Variants in COL9A1 observed in about 807,000 individuals in gnomAD.
The protein encoded by COL9A1 is collagen alpha-1(IX) chain.
In COL9A1, 104 loss-of-function variants were observed where a neutral mutation model predicts 142.6. The ratio of observed to expected loss-of-function variants is 0.73; its 90% CI spans 0.62 to 0.86. The LOEUF is 0.86. Ranked by LOEUF, COL9A1 falls within the 40% of genes least tolerant of loss-of-function variation. The pLI, the probability that COL9A1 is intolerant of heterozygous loss-of-function variation, is 0.00. For synonymous variants in COL9A1, 466 were observed against 396.0 expected (o/e 1.18, Z -2.10); for missense variants, 1,210 against 1,176.6 (o/e 1.03, Z -0.42).
chr6:70,252,542 A>G (rs748567339), intron 26 of COL9A1, among the ~76,000 whole-genome samples: 21 of 152,200 alleles, frequency 1.4e-4, no homozygotes, highest in Non-Finnish European at 2.4e-4. Context: ...TCAAATGTCA[A>G]ACAATGAGGG....
At chr6:70,228,413 C>T (rs1418363360) in intron 36 of COL9A1, among the ~76,000 whole-genome samples, 1 of 152,042 alleles carries the variant, frequency 6.6e-6, no homozygotes, top group Non-Finnish European at 1.5e-5. Context: ...AGGCATTATC[C>T]CATTATTCCG....
chr6:70,236,465 G>T (rs1335583397), intron 33 of COL9A1, among the ~76,000 whole-genome samples: 1 of 152,182 alleles, frequency 6.6e-6, no homozygotes, highest in African/African-American at 2.4e-5. Context: ...GGCAGCAAGG[G>T]AATGCTAGTG....
chr6:70,252,990 A>C (rs1209350324), intron 26 of COL9A1, among the ~76,000 whole-genome samples: 3 of 152,002 alleles, frequency 2.0e-5, no homozygotes, highest in Non-Finnish European at 4.4e-5. Context: ...TTTATGTAGA[A>C]TATAAGCACT....
chr6:70,301,933 G>GC, intron 2 of COL9A1, 68 bp downstream of exon 2: 1 of 1,321,814 alleles, frequency 7.6e-7, no homozygotes, highest in South Asian at 1.2e-5. Context: ...TCTTCAGTCA[G>GC]CCACAGCCCT....
intron 15 of COL9A1, 79 bp downstream of exon 15, chr6:70,270,235 A>G: frequency 2.1e-6 from 3 of 1,397,270 alleles, no homozygotes; most frequent in East Asian, 2.3e-5. Flanking sequence ...ATTAATAGGA[A>G]CTTCCATTTT....
intron 19 of COL9A1, chr6:70,260,958 C>T: frequency 2.4e-6 from 1 of 419,232 alleles, no homozygotes; most frequent in Non-Finnish European, 4.3e-6. Context: ...TCACTTATGA[C>T]AAAAAAAGTA....
chr6:70,288,474 T>C (rs1211497285), intron 5 of COL9A1, among the ~76,000 whole-genome samples: 1 of 152,206 alleles, frequency 6.6e-6, no homozygotes, highest in Non-Finnish European at 1.5e-5. Flanking sequence ...TTTTGAAAGA[T>C]GAGAACATGT....
At chr6:70,266,031 A>T (rs1771986874) in intron 18 of COL9A1, among the ~76,000 whole-genome samples, 1 of 152,200 alleles carries the variant, frequency 6.6e-6, no homozygotes, top group South Asian at 2.1e-4. Flanking sequence ...TTACCAAGAG[A>T]AAACCTACTA....
rs1357867750 is a variant in COL9A1 at position 70,242,663 on chromosome 6, A to T, written c.1925T>A (p.Leu642Gln). ...PVGSPGLPGK[L>Q]GSLGSPGLPG... is the part of the protein sequence containing the mutation. ...AATAAACGAAACTTTTCTACTTACC[A>T]GTTTACCTGGTAGGCCTGGGGATCC... The change falls in exon 29 of 38, where the codon CTG (leucine) becomes CAG (glutamine). Residue 642 changes from leucine (L) to glutamine (Q), a missense_variant and splice_region_variant. Leu to Gln is a moderately radical substitution (Grantham distance 113). Transcript: ENST00000357250. The T allele has an allele frequency of 1.2e-6, 2 of 1,613,984 alleles. No homozygotes were observed. Among genetic ancestry groups the T allele is most frequent in the Non-Finnish European group, 1.7e-6 (2 of 1,179,836 alleles).
At position 70,302,943 on chromosome 6, in the gene COL9A1, T is replaced by C; in HGVS notation, c.-19A>G. ...TCTTCATTTTCCCAGTTGATTTTCT[T>C]TGTTTGCCAACAGTCCCTATGAAGA... On this transcript the variant is annotated 5_prime_UTR_variant, in exon 1 of 38. Transcript: ENST00000357250. 1 of 1,613,920 alleles carries C rather than the reference T, an allele frequency of 6.2e-7. No individual in the cohort carries two copies. The highest frequency in any genetic ancestry group is 8.5e-7 in the Non-Finnish European group (1 of 1,179,790).
intron 20 of COL9A1, among the ~76,000 whole-genome samples, chr6:70,259,209 T>G (rs1771517009): frequency 1.3e-5 from 2 of 152,182 alleles, no homozygotes; most frequent in African/African-American, 2.4e-5. Context: ...CATCTCTTTT[T>G]TAAAAAGAAA....
intron 13 of COL9A1, 148 bp downstream of exon 13, chr6:70,271,917 G>T (rs771004888): frequency 1.7e-4 from 160 of 922,832 alleles, no homozygotes; most frequent in Non-Finnish European, 1.6e-4. Context: ...CAGAATAAGG[G>T]TGTTATCCTT....
Position 70,241,970 on chromosome 6 carries a change from A to C in COL9A1, c.1992T>G (p.Gly664=), listed in dbSNP as rs138810927. Residue 664 remains glycine, a synonymous_variant, in exon 30 of 38, where the codon GGT becomes GGG. Coordinates refer to ENST00000357250, the MANE Select transcript of COL9A1 (RefSeq NM_001851.6). ...GGAGTGCTGGAGCTCTTACCCTGTC[A>C]CCTTTCATTCCAGGAAGTCCAGGGG... ...PGPPGLPGMK[G]DRGVVGEPGP... The C allele has an allele frequency of 2.3e-4, 362 of 1,594,154 alleles. 1 individual carries two copies. In the East Asian group the frequency reaches 6.0e-3, roughly 27 times the overall value.
chr6:70,254,955 C>T lies in COL9A1; in HGVS notation c.1665+8G>A, dbSNP rs1771181838. 1 of 1,614,024 alleles carries T rather than the reference C, an allele frequency of 6.2e-7. No homozygotes were observed. The highest frequency in any genetic ancestry group is 2.2e-5 in the East Asian group (1 of 44,890). ...CCACTCACTCTTGGAGTAAATTACA[C>T]AGCCTACCTTTGTTCCAGGCATTCC... On this transcript the variant is annotated splice_region_variant and intron_variant, in intron 24 of 37. Coordinates refer to ENST00000357250, the MANE Select transcript of COL9A1 (RefSeq NM_001851.6).
intron 5 of COL9A1, among the ~76,000 whole-genome samples, chr6:70,291,779 G>A (rs1268044780): frequency 2.0e-5 from 3 of 152,044 alleles, no homozygotes; most frequent in Admixed American, 2.0e-4. Context: ...AAAAATATGT[G>A]GTTGCATATA....
In COL9A1 at chr6:70,248,811, G is replaced by A. The variant is rs555751323; in HGVS notation, c.1872+3309C>T. On this transcript the variant is annotated intron_variant, in intron 28 of 37. Transcript: ENST00000357250. ...AGGTGGGAAACACAGCGGTGAAAAC[G>A]ACATGACTGGCACCTTCTGCAGTTA... is the stretch of plus-strand genomic sequence containing the variant. Among the ~76,000 whole-genome samples, 51 of 152,280 alleles carry A rather than the reference G, an allele frequency of 3.3e-4. No individual in the cohort carries two copies. The South Asian group carries it at 8.9e-3, about 27-fold the overall frequency.
At chr6:70,228,176 G>A (rs1346213847) in intron 36 of COL9A1, among the ~76,000 whole-genome samples, 2 of 151,990 alleles carry the variant, frequency 1.3e-5, no homozygotes, top group Non-Finnish European at 2.9e-5. Flanking sequence ...TTTCACTACT[G>A]ACTCATTGTT....
intron 5 of COL9A1, among the ~76,000 whole-genome samples, chr6:70,285,507 C>T (rs1326677922): frequency 6.6e-6 from 1 of 152,252 alleles, no homozygotes; most frequent in African/African-American, 2.4e-5. Flanking sequence ...TGAATACTCA[C>T]TGACAAAGTA....
At chr6:70,219,082 A>G (rs1170033632) in intron 37 of COL9A1, among the ~76,000 whole-genome samples, 1 of 152,218 alleles carries the variant, frequency 6.6e-6, no homozygotes, top group Non-Finnish European at 1.5e-5. Flanking sequence ...TAGCAGAACT[A>G]TGCCCTTAGC....
Sources: gnomAD v4.1 joint callset for allele counts (sites outside exome capture counted in the v4.1 genomes callset) on GRCh38, gnomAD v4.1.1 for gene constraint, MANE v1.5 for transcripts, NCBI Gene and HGNC (gene_info 2026-07-23, HGNC 2026-07-21) for gene names.